Variants in ZMAT4 observed in about 807,000 individuals in gnomAD.
ZMAT4 encodes the protein zinc finger matrin-type 4.
ZMAT4 carries 17 observed loss-of-function variants against 28.7 expected under a neutral mutation model. The observed-to-expected ratio is 0.59, with a 90% CI of 0.41 to 0.89. The LOEUF (loss-of-function observed/expected upper bound fraction) is 0.89, where lower values mean the gene tolerates loss of function less well. Ranked by LOEUF, ZMAT4 falls within the 40% of genes least tolerant of loss-of-function variation. The pLI is 0.00. For missense variants in ZMAT4, 240 were observed against 283.8 expected (o/e 0.85, Z 1.11); for synonymous variants, 117 against 109.2 (o/e 1.07, Z -0.44).
chr8:40,821,332 C>A (rs1012002013), intron 2 of ZMAT4, among the ~76,000 whole-genome samples: 2 of 152,162 alleles, frequency 1.3e-5, no homozygotes, highest in African/African-American at 4.8e-5. Flanking sequence ...TCTCTTCCTT[C>A]TGTGTCTGTG....
intron 6 of ZMAT4, among the ~76,000 whole-genome samples, chr8:40,566,612 T>C (rs1407146289): frequency 6.6e-6 from 1 of 152,182 alleles, no homozygotes; most frequent in Non-Finnish European, 1.5e-5. Context: ...AATAGAAACC[T>C]GTATGACTTC....
At chr8:40,830,480 C>A (rs973484171) in intron 1 of ZMAT4, among the ~76,000 whole-genome samples, 1 of 152,138 alleles carries the variant, frequency 6.6e-6, no homozygotes, top group Non-Finnish European at 1.5e-5. Flanking sequence ...TGTCCTCTAC[C>A]TCTACCCTTA....
intron 2 of ZMAT4, among the ~76,000 whole-genome samples, chr8:40,823,851 G>A (rs1033236109): frequency 6.6e-6 from 1 of 152,068 alleles, no homozygotes; most frequent in Non-Finnish European, 1.5e-5. Context: ...ATGACTATAC[G>A]AATTTTTTCA....
chr8:40,764,276 A>C (rs1466806291), intron 3 of ZMAT4, among the ~76,000 whole-genome samples: 1 of 152,130 alleles, frequency 6.6e-6, no homozygotes, highest in Non-Finnish European at 1.5e-5. Context: ...AAAAAAATGT[A>C]AGATCCGAGT....
intron 1 of ZMAT4, among the ~76,000 whole-genome samples, chr8:40,877,729 G>A (rs546379423): frequency 2.0e-5 from 3 of 152,280 alleles, no homozygotes; most frequent in East Asian, 3.9e-4. Flanking sequence ...GAGAGACGGA[G>A]TAGGGAGACA....
At chr8:40,758,693 G>A (rs981388975) in intron 3 of ZMAT4, among the ~76,000 whole-genome samples, 1 of 152,136 alleles carries the variant, frequency 6.6e-6, no homozygotes, top group Non-Finnish European at 1.5e-5. Flanking sequence ...GTCTCTAGAA[G>A]GAAGCAAAGA....
chr8:40,807,479 G>C (rs1288338773), intron 2 of ZMAT4, among the ~76,000 whole-genome samples: 1 of 152,060 alleles, frequency 6.6e-6, no homozygotes, highest in Non-Finnish European at 1.5e-5. Flanking sequence ...TTGAATTCTG[G>C]AGTCAAATCT....
chr8:40,841,035 A>G (rs919658785), intron 1 of ZMAT4, among the ~76,000 whole-genome samples: 26 of 152,240 alleles, frequency 1.7e-4, no homozygotes, highest in African/African-American at 6.0e-4. Context: ...ACTGTGTACA[A>G]TAGAACCCTG....
At chr8:40,746,099 G>A in intron 3 of ZMAT4, among the ~76,000 whole-genome samples, 1 of 151,898 alleles carries the variant, frequency 6.6e-6, no homozygotes, top group Non-Finnish European at 1.5e-5. Context: ...GTTCTCAACT[G>A]CAGAGCTCAC....
chr8:40,696,759 C>T (rs1809904831), intron 4 of ZMAT4, among the ~76,000 whole-genome samples: 1 of 152,104 alleles, frequency 6.6e-6, no homozygotes, highest in Admixed American at 6.6e-5. Context: ...CAGTTCTTGG[C>T]ACACTAAAGT....
intron 6 of ZMAT4, among the ~76,000 whole-genome samples, chr8:40,539,793 G>A (rs1459546812): frequency 6.6e-6 from 1 of 152,154 alleles, no homozygotes; most frequent in African/African-American, 2.4e-5. Flanking sequence ...TTGAGGTGGA[G>A]GTCTAAGCCC....
chr8:40,575,106 AG>A (rs1178285396), intron 6 of ZMAT4, among the ~76,000 whole-genome samples: 1 of 152,150 alleles, frequency 6.6e-6, no homozygotes, highest in Non-Finnish European at 1.5e-5. Context: ...TGGCTGCTCA[AG>A]GCTGAGGCTC....
At chr8:40,540,481 ATTTGGGAC>A (rs1802994614) in intron 6 of ZMAT4, among the ~76,000 whole-genome samples, 1 of 152,188 alleles carries the variant, frequency 6.6e-6, no homozygotes, top group Non-Finnish European at 1.5e-5. Flanking sequence ...CAAGCTCCAA[ATTTGGGAC>A]CCTCCTAGAC....
chr8:40,880,265 AG>A (rs1818175121), intron 1 of ZMAT4, among the ~76,000 whole-genome samples: 1 of 151,380 alleles, frequency 6.6e-6, no homozygotes, highest in African/African-American at 2.4e-5. Context: ...GCTACTCGGG[AG>A]GCTGAGGCAG....
intron 5 of ZMAT4, among the ~76,000 whole-genome samples, chr8:40,673,999 C>CTTG (rs1808798277): frequency 2.7e-5 from 4 of 150,078 alleles, no homozygotes; most frequent in Non-Finnish European, 4.4e-5. Flanking sequence ...TAAATTGAGT[C>CTTG]AATTTGTTGC....
chr8:40,588,859 A>G (rs1258131615), intron 5 of ZMAT4, among the ~76,000 whole-genome samples: 1 of 152,172 alleles, frequency 6.6e-6, no homozygotes, highest in Non-Finnish European at 1.5e-5. Flanking sequence ...AACTTTATTC[A>G]CAATAGCCAA....
chr8:40,773,979 T>G (rs113112324), intron 2 of ZMAT4, among the ~76,000 whole-genome samples: 47 of 152,180 alleles, frequency 3.1e-4, no homozygotes, highest in Non-Finnish European at 5.9e-4. Context: ...GTCAATAATT[T>G]GGGACTAAAA....
chr8:40,563,164 C>A (rs768672816), intron 6 of ZMAT4, among the ~76,000 whole-genome samples: 36 of 152,178 alleles, frequency 2.4e-4, no homozygotes, highest in Non-Finnish European at 1.9e-4. Context: ...CAAACTCATT[C>A]CACCTCAAAC....
At chr8:40,700,927 C>T (rs372675443) in intron 3 of ZMAT4, among the ~76,000 whole-genome samples, 2 of 152,192 alleles carry the variant, frequency 1.3e-5, no homozygotes, top group African/African-American at 4.8e-5. Context: ...GCACCTAGCA[C>T]CACATTTACC....
Sources: allele counts gnomAD v4.1 joint callset (sites outside exome capture counted in the v4.1 genomes callset), GRCh38; gene constraint gnomAD v4.1.1; transcripts MANE v1.5; gene names NCBI Gene and HGNC (gene_info 2026-07-23, HGNC 2026-07-21).